Variants in EDIL3 observed in about 807,000 individuals in gnomAD.
EDIL3 encodes the protein EGF like and discoidin domains 3.
In EDIL3, 37 loss-of-function variants were observed where a neutral mutation model predicts 67.4. The ratio of observed to expected loss-of-function variants is 0.55; its 90% CI spans 0.42 to 0.72. The LOEUF (loss-of-function observed/expected upper bound fraction) is 0.72, where lower values mean the gene tolerates loss of function less well. Ranked by LOEUF, EDIL3 falls within the 30% of genes least tolerant of loss-of-function variation. The pLI, the probability that EDIL3 is intolerant of heterozygous loss-of-function variation, is 0.00. For missense variants in EDIL3, 527 were observed against 586.3 expected (o/e 0.90, Z 1.04); for synonymous variants, 195 against 196.3 (o/e 0.99, Z 0.05).
intron 9 of EDIL3, among the ~76,000 whole-genome samples, chr5:83,989,445 C>T (rs1047206713): frequency 2.0e-5 from 3 of 152,150 alleles, no homozygotes; most frequent in African/African-American, 4.8e-5. Flanking sequence ...TTGTGATTTT[C>T]GCTTTGCTGG....
intron 6 of EDIL3, among the ~76,000 whole-genome samples, chr5:84,077,014 G>C (rs1237969182): frequency 6.6e-6 from 1 of 152,180 alleles, no homozygotes; most frequent in Non-Finnish European, 1.5e-5. Flanking sequence ...AAAAAGGATT[G>C]ACATTTAATA....
intron 1 of EDIL3, among the ~76,000 whole-genome samples, chr5:84,340,618 C>G (rs1480219347): frequency 6.8e-6 from 1 of 147,900 alleles, no homozygotes; most frequent in Non-Finnish European, 1.5e-5. Context: ...AAATTGAACT[C>G]TCTATTACCA....
chr5:84,151,523 G>A (rs955029546), intron 4 of EDIL3, among the ~76,000 whole-genome samples: 3 of 152,096 alleles, frequency 2.0e-5, no homozygotes, highest in Non-Finnish European at 4.4e-5. Flanking sequence ...GATTTTTAAG[G>A]TAGTTTACTT....
At chr5:84,062,835 G>A (rs1040358759) in intron 8 of EDIL3, among the ~76,000 whole-genome samples, 6 of 152,038 alleles carry the variant, frequency 3.9e-5, no homozygotes, top group African/African-American at 1.4e-4. Context: ...TGTGCCTCAT[G>A]CCACAAATTT....
intron 9 of EDIL3, among the ~76,000 whole-genome samples, chr5:84,045,987 G>A (rs2301085): frequency 0.18 from 27,550 of 152,148 alleles, 2,900 homozygotes; most frequent in Admixed American, 0.24. Flanking sequence ...TGAGCCAGGT[G>A]AGCTTAACTA....
At chr5:84,155,955 T>A (rs1428831363) in intron 4 of EDIL3, among the ~76,000 whole-genome samples, 4 of 152,230 alleles carry the variant, frequency 2.6e-5, no homozygotes, top group Non-Finnish European at 1.5e-5. Context: ...TATACTTAAC[T>A]GTATACAAGT....
chr5:84,269,308 T>C (rs1299519082), intron 1 of EDIL3, among the ~76,000 whole-genome samples: 1 of 152,168 alleles, frequency 6.6e-6, no homozygotes, highest in African/African-American at 2.4e-5. Context: ...TTTAGGAGGC[T>C]TTAATTTTTT....
At chr5:84,229,335 A>C (rs1259784186) in intron 3 of EDIL3, among the ~76,000 whole-genome samples, 1 of 152,206 alleles carries the variant, frequency 6.6e-6, no homozygotes, top group Non-Finnish European at 1.5e-5. Flanking sequence ...TTGCAGGATT[A>C]TTAAATTATA....
chr5:84,229,842 A>C lies in EDIL3; in HGVS notation c.226+13T>G. 1.9e-6 allele frequency: 3 copies of C among 1,596,866 alleles called. No individual in the cohort carries two copies. The highest frequency in any genetic ancestry group is 2.6e-6 in the Non-Finnish European group (3 of 1,169,344). On this transcript the variant is annotated intron_variant, in intron 3 of 10. Coordinates refer to ENST00000296591, the MANE Select transcript of EDIL3 (RefSeq NM_005711.5). ...ATTAAATAAGAATTATGTTTACAAC[A>C]TAGGAACTTTACCTGCTGAAGTTGG...
chr5:83,978,584 C>G (rs1040346502), intron 9 of EDIL3, among the ~76,000 whole-genome samples: 11 of 151,748 alleles, frequency 7.2e-5, no homozygotes, highest in Non-Finnish European at 1.6e-4. Context: ...GTACTATTGC[C>G]GCCTAAGATT....
chr5:84,335,435 T>C (rs925112634), intron 1 of EDIL3, among the ~76,000 whole-genome samples: 1 of 152,200 alleles, frequency 6.6e-6, no homozygotes, highest in African/African-American at 2.4e-5. Context: ...CCCAGGGTTA[T>C]TGCTCCTTTT....
intron 1 of EDIL3, among the ~76,000 whole-genome samples, chr5:84,353,806 C>T (rs1389394261): frequency 6.6e-6 from 1 of 152,132 alleles, no homozygotes; most frequent in African/African-American, 2.4e-5. Context: ...TTATCATTCT[C>T]ATTTGAATTC....
intron 3 of EDIL3, among the ~76,000 whole-genome samples, chr5:84,182,052 T>G (rs1263767378): frequency 6.6e-6 from 1 of 151,902 alleles, no homozygotes. Flanking sequence ...TAATAATAAC[T>G]TGAGTCAACT....
intron 1 of EDIL3, among the ~76,000 whole-genome samples, chr5:84,335,382 T>C (rs1464665593): frequency 2.6e-5 from 4 of 152,304 alleles, no homozygotes; most frequent in Non-Finnish European, 5.9e-5. Context: ...TTTCTTCTGT[T>C]CATTCTCCTT....
At chr5:84,262,934 G>A (rs1279525829) in intron 1 of EDIL3, among the ~76,000 whole-genome samples, 3 of 151,770 alleles carry the variant, frequency 2.0e-5, no homozygotes, top group African/African-American at 7.3e-5. Flanking sequence ...GCCTCCCAAA[G>A]TGCTAGGATT....
chr5:84,214,933 G>T (rs1024867830), intron 3 of EDIL3, among the ~76,000 whole-genome samples: 1 of 152,022 alleles, frequency 6.6e-6, no homozygotes, highest in Non-Finnish European at 1.5e-5. Flanking sequence ...TGCCCAGGGT[G>T]GTCTCGAACT....
At chr5:83,954,783 C>A (rs969131791) in intron 10 of EDIL3, among the ~76,000 whole-genome samples, 1 of 151,766 alleles carries the variant, frequency 6.6e-6, no homozygotes, top group Non-Finnish European at 1.5e-5. Context: ...TGATCGAGTA[C>A]TTGTTTTCCT....
chr5:84,067,437 T>C (rs868815355), intron 6 of EDIL3, among the ~76,000 whole-genome samples: 16 of 152,182 alleles, frequency 1.1e-4, no homozygotes, highest in South Asian at 4.1e-4. Context: ...AAATTTCACA[T>C]ATTGTAAACA....
intron 3 of EDIL3, among the ~76,000 whole-genome samples, chr5:84,215,053 G>A (rs1479273475): frequency 5.9e-5 from 9 of 152,006 alleles, no homozygotes; most frequent in Non-Finnish European, 4.4e-5. Context: ...ATGCAATAAA[G>A]TCAGCATAAA....
Sources: allele counts gnomAD v4.1 joint callset (sites outside exome capture counted in the v4.1 genomes callset), GRCh38; gene constraint gnomAD v4.1.1; transcripts MANE v1.5; gene names NCBI Gene and HGNC (gene_info 2026-07-23, HGNC 2026-07-21).